Variants in SLC12A8 observed in about 807,000 individuals in gnomAD.
SLC12A8 encodes the protein solute carrier family 12 member 8, also known as cation-chloride cotransporter 9.
Under a neutral mutation model 75.6 loss-of-function variants are expected in SLC12A8, and 69 were observed. The observed-to-expected ratio is 0.91, with a 90% CI of 0.75 to 1.11. The LOEUF is 1.11. SLC12A8 is among the 50% of genes most tolerant of loss of function. The probability of loss-of-function intolerance (pLI) is 0.00; values close to 1 mark genes in which losing one functional copy is unlikely to be tolerated. For missense variants in SLC12A8, 877 were observed against 896.7 expected, an observed-to-expected ratio of 0.98 and a Z score of 0.28; for synonymous variants, 365 against 372.8, an observed-to-expected ratio of 0.98 and a Z score of 0.24.
intron 5 of SLC12A8, among the ~76,000 whole-genome samples, chr3:125,171,971 G>T (rs944451523): frequency 5.1e-4 from 2 of 3,906 alleles, no homozygotes; most frequent in South Asian, 3.1e-3. Context: ...AAAAAAAAAA[G>T]AAAAGAAAAG....
intron 1 of SLC12A8, among the ~76,000 whole-genome samples, chr3:125,212,078 A>C (rs1489650971): frequency 6.6e-6 from 1 of 151,656 alleles, no homozygotes; most frequent in Non-Finnish European, 1.5e-5. Flanking sequence ...GGGGCTCAGG[A>C]CCCTTTGGTA....
chr3:125,122,680 C>T (rs1380526003), intron 6 of SLC12A8, among the ~76,000 whole-genome samples: 1 of 152,210 alleles, frequency 6.6e-6, no homozygotes, highest in Non-Finnish European at 1.5e-5. Context: ...CAACAGCACT[C>T]ACAAACTTCT....
intron 5 of SLC12A8, among the ~76,000 whole-genome samples, chr3:125,151,832 T>C (rs1262848490): frequency 6.6e-6 from 1 of 152,268 alleles, no homozygotes; most frequent in African/African-American, 2.4e-5. Flanking sequence ...GGACTTAATG[T>C]AAGGCTTTTT....
chr3:125,102,437 C>T (rs907637181), intron 10 of SLC12A8, among the ~76,000 whole-genome samples: 8 of 152,080 alleles, frequency 5.3e-5, no homozygotes, highest in East Asian at 1.9e-4. Flanking sequence ...GGACTTTACA[C>T]GGAAGGGGTT....
At chr3:125,196,439 C>T (rs536367758) in intron 2 of SLC12A8, among the ~76,000 whole-genome samples, 2 of 152,000 alleles carry the variant, frequency 1.3e-5, no homozygotes, top group Non-Finnish European at 2.9e-5. Flanking sequence ...AAGCAAATAA[C>T]AAAATATATT....
intron 5 of SLC12A8, among the ~76,000 whole-genome samples, chr3:125,161,987 GC>G (rs1934185551): frequency 6.6e-6 from 1 of 152,200 alleles, no homozygotes; most frequent in Non-Finnish European, 1.5e-5. Context: ...TTGCAAGCTG[GC>G]CCCACCCTGG....
intron 6 of SLC12A8, among the ~76,000 whole-genome samples, chr3:125,129,301 TG>T (rs1933296110): frequency 6.6e-6 from 1 of 152,212 alleles, no homozygotes; most frequent in African/African-American, 2.4e-5. Context: ...TGTGAAACCC[TG>T]GAGAGGAGAT....
At chr3:125,102,478 G>T (rs1050629494) in intron 10 of SLC12A8, among the ~76,000 whole-genome samples, 2 of 152,152 alleles carry the variant, frequency 1.3e-5, no homozygotes, top group Admixed American at 6.5e-5. Flanking sequence ...AAGTAAGAGA[G>T]ACATGATGAG....
At chr3:125,143,871 C>T (rs377476328) in intron 5 of SLC12A8, among the ~76,000 whole-genome samples, 6 of 152,186 alleles carry the variant, frequency 3.9e-5, no homozygotes, top group African/African-American at 7.2e-5. Flanking sequence ...CCATGCCCTG[C>T]GGTCTAGGAG....
chr3:125,163,471 C>T (rs1166787707), intron 5 of SLC12A8, among the ~76,000 whole-genome samples: 6 of 151,448 alleles, frequency 4.0e-5, no homozygotes, highest in South Asian at 2.1e-4. Context: ...ATTAGCCAGG[C>T]GCCTGTAGTC....
At chr3:125,145,261 G>GT (rs1192543173) in intron 5 of SLC12A8, among the ~76,000 whole-genome samples, 3 of 152,154 alleles carry the variant, frequency 2.0e-5, no homozygotes, top group African/African-American at 4.8e-5. Context: ...CTACTTGCCT[G>GT]TTTTTTCCAC....
At chr3:125,183,947 C>A (rs971593895) in intron 4 of SLC12A8, among the ~76,000 whole-genome samples, 4 of 151,190 alleles carry the variant, frequency 2.6e-5, no homozygotes, top group Non-Finnish European at 5.9e-5. Context: ...CGAGCCTTTG[C>A]AAGCTTTTGT....
chr3:125,187,731 C>T (rs568071840), intron 3 of SLC12A8, among the ~76,000 whole-genome samples: 40 of 152,220 alleles, frequency 2.6e-4, no homozygotes, highest in Non-Finnish European at 4.6e-4. Flanking sequence ...TTGTGCCTGA[C>T]GTGCAGCGAC....
chr3:125,121,877 C>T (rs561344979), intron 6 of SLC12A8, among the ~76,000 whole-genome samples: 65 of 152,198 alleles, frequency 4.3e-4, no homozygotes, highest in South Asian at 1.5e-3. Context: ...TGCTGGCCCG[C>T]GGATGGGGTG....
intron 10 of SLC12A8, among the ~76,000 whole-genome samples, chr3:125,093,976 G>C (rs564030842): frequency 6.6e-6 from 1 of 152,178 alleles, no homozygotes; most frequent in Non-Finnish European, 1.5e-5. Flanking sequence ...GTCATCATTG[G>C]TGACTTCTAC....
At chr3:125,091,369 A>G in intron 12 of SLC12A8, 70 bp downstream of exon 12, 1 of 1,020,832 alleles carries the variant, frequency 9.8e-7, no homozygotes, top group Non-Finnish European at 1.6e-6. Flanking sequence ...TTGATATTCA[A>G]AATCTTTTTT....
rs2107726291 is a variant in SLC12A8 at position 125,082,807 on chromosome 3, TG to T, written c.*1082del. ...TATTCACTGCAGAGCTGATTGTCAT[TG>T]CAAAAGATTGGAAAGAATCCAAATG... On this transcript the variant is annotated 3_prime_UTR_variant, in exon 14 of 14. Coordinates refer to ENST00000469902, the MANE Select transcript of SLC12A8 (RefSeq NM_024628.6). The T allele has an allele frequency of 6.6e-6, 1 of 152,228 alleles. No homozygotes were observed. Among genetic ancestry groups the T allele is most frequent in the East Asian group, 1.9e-4 (1 of 5,204 alleles). The allele number at this position is 152,228 out of a possible 1,614,324, so 9.4% of individuals were successfully genotyped here. A position where few individuals can be genotyped will look rare whatever the true frequency, so the allele number is the denominator to read the frequency against.
At chr3:125,099,031 G>A (rs139393645) in intron 10 of SLC12A8, among the ~76,000 whole-genome samples, 1,569 of 152,268 alleles carry the variant, frequency 0.01, 28 homozygotes, top group African/African-American at 0.035. Context: ...CTACGCCCAC[G>A]CCTGGGGAGG....
chr3:125,150,499 A>G (rs1056981139), intron 5 of SLC12A8, among the ~76,000 whole-genome samples: 5 of 152,234 alleles, frequency 3.3e-5, no homozygotes, highest in African/African-American at 4.8e-5. Flanking sequence ...AAGAATTTCC[A>G]GTATGCTTAC....
Sources: gnomAD v4.1 joint callset for allele counts (sites outside exome capture counted in the v4.1 genomes callset) on GRCh38, gnomAD v4.1.1 for gene constraint, MANE v1.5 for transcripts, NCBI Gene and HGNC (gene_info 2026-07-23, HGNC 2026-07-21) for gene names.